Variants in TTN observed in about 807,000 individuals in gnomAD.
TTN encodes connectin.
A neutral mutation model predicts 3,223.0 loss-of-function variants in TTN; 1,525 were observed. The ratio of observed to expected loss-of-function variants is 0.47; its 90% CI spans 0.45 to 0.49. The LOEUF is 0.49. Among genes scored for constraint, TTN ranks in the 20% least tolerant of loss-of-function variants. TTN has a pLI of 0.00. For synonymous variants in TTN, 14,094 were observed against 15,161.0 expected, an observed-to-expected ratio of 0.93 and a Z score of 5.17; for missense variants, 40,786 against 43,424.0, an observed-to-expected ratio of 0.94 and a Z score of 5.40.
rs879119970 is a variant in TTN, at chr2:178,576,786, T to G, written c.69458A>C (p.Lys23153Thr). ...TTTCCAGCTGACAGTGGCAGTGTTC[T>G]TAGTGACATTTGATACCTCTGGTTT... ...PEKPEVSNVT[K>T]NTATVSWKRP... The change falls in exon 325 of 363, where the codon AAG (lysine) becomes ACG (threonine). Residue 23153 changes from lysine (K) to threonine (T), a missense_variant. Transcript: ENST00000589042. The surrounding 1 kb of genome is among the most constrained non-coding windows in gnomAD (Gnocchi z 4.3). 2.0e-5 allele frequency: 32 copies of G among 1,613,304 alleles called. No individual in the cohort carries two copies. The highest frequency in any genetic ancestry group is 2.7e-5 in the Non-Finnish European group (32 of 1,179,620).
At chr2:178,584,612 A>C (rs771319000) in intron 310 of TTN, 34 bp from the exon 311 acceptor site, 1 of 1,610,192 alleles carries the variant, frequency 6.2e-7, no homozygotes. Context: ...GTCAGTTTCT[A>C]CATTAAGTAA....
At position 178,610,953 on chromosome 2, in the gene TTN, C is replaced by A. The variant is rs1352036955; in HGVS notation, c.51136+40G>T. The A allele has an allele frequency of 1.9e-6, 3 of 1,605,900 alleles. No homozygotes were observed. The Admixed American group carries it at 5.1e-5, about 27-fold the overall frequency. On this transcript the variant is annotated intron_variant, in intron 270 of 362. Coordinates refer to ENST00000589042, the MANE Select transcript of TTN (RefSeq NM_001267550.2). ...CTGCAAAGTTAACTAATTTCCTCTA[C>A]ATGTGAAGAATGTCTGGTTTTTCTT...
intron 273 of TTN, 147 bp from the exon 274 acceptor site, chr2:178,609,055 A>G (rs1377298719): frequency 1.6e-6 from 2 of 1,280,382 alleles, no homozygotes; most frequent in Non-Finnish European, 2.1e-6. Context: ...TAACAAGATC[A>G]GGTGATTTCT....
In TTN at chr2:178,715,789, G is replaced by C. The variant is rs552766108; in HGVS notation, c.25640-15C>G. On this transcript the variant is annotated splice_polypyrimidine_tract_variant and intron_variant, in intron 88 of 362. Coordinates refer to ENST00000589042, the MANE Select transcript of TTN (RefSeq NM_001267550.2). Reference sequence around the variant, plus strand: ...CCTGGGTGGTTCTATGGAACCAAGAGGAAAAACACAGGGTAAGGGATGGAA... The same window carrying C: ...CCTGGGTGGTTCTATGGAACCAAGACGAAAAACACAGGGTAAGGGATGGAA... 5.1e-6 allele frequency: 8 copies of C among 1,564,594 alleles called. No individual in the cohort carries two copies. Among genetic ancestry groups the C allele is most frequent in the Non-Finnish European group, 6.9e-6 (8 of 1,153,074 alleles).
intron 143 of TTN, 37 bp from the exon 144 acceptor site, chr2:178,678,534 C>T: frequency 1.4e-6 from 2 of 1,453,018 alleles, no homozygotes; most frequent in Non-Finnish European, 1.9e-6. Flanking sequence ...TTTTATACGA[C>T]ATAAAAATAC....
At position 178,531,970 on chromosome 2, in the gene TTN, G is replaced by C. The variant is rs767477029; in HGVS notation, c.104645C>G (p.Thr34882Ser). The C allele has an allele frequency of 6.2e-7, 1 of 1,613,764 alleles. No homozygotes were observed. The highest frequency in any genetic ancestry group is 1.7e-5 in the Admixed American group (1 of 59,994). ...TERRSPTPERTRPRSPSPVSS... is the reference protein window; with the variant it reads ...TERRSPTPERSRPRSPSPVSS... ...CACAGGGCTGGGGGATCGTGGGCGA[G>C]TTCTCTCTGGAGTAGGTGACCTTCT... is the stretch of plus-strand genomic sequence containing the variant. The change falls in exon 358 of 363, where the codon ACT becomes AGT. Residue 34882 changes from threonine (T) to serine (S), a missense_variant. Thr to Ser is a moderately conservative substitution (Grantham distance 58, BLOSUM62 1). Coordinates refer to ENST00000589042, the MANE Select transcript of TTN (RefSeq NM_001267550.2).
chr2:178,710,797 T>G lies in TTN; in HGVS notation c.28300A>C (p.Ser9434Arg). Reference sequence around the variant, plus strand: ...TTTCCGCCACTTCGTATTTCTCTGCTGTCTTTGGCCCAGCTGACCTTTATC... The same window carrying G: ...TTTCCGCCACTTCGTATTTCTCTGCGGTCTTTGGCCCAGCTGACCTTTATC... ...QPIKVSWAKD[S>R]REIRSGGKYQ... The change falls in exon 98 of 363, where the codon AGC (serine) becomes CGC (arginine). Residue 9434 changes from serine to arginine, a missense_variant. By Grantham distance (110) the Ser-to-Arg change is moderately radical. Coordinates refer to ENST00000589042, the MANE Select transcript of TTN (RefSeq NM_001267550.2). 1 of 1,613,978 alleles carries G rather than the reference T, an allele frequency of 6.2e-7. No individual in the cohort carries two copies. Among genetic ancestry groups the G allele is most frequent in the East Asian group, 2.2e-5 (1 of 44,878 alleles).
At position 178,633,675 on chromosome 2, in the gene TTN, C is replaced by T. The variant is rs975916529; in HGVS notation, c.42684G>A (p.Glu14228=). ...ATTTCACAGTGAAGTAGGGATCGGC[C>T]TCTGTAAAAGACATTTAGCATAAAA... ...LSSTAQLKVL[E]ADPYFTVKLH... The change falls in exon 232 of 363, where the codon GAG becomes GAA. Residue 14228 remains glutamate (E), a splice_region_variant and synonymous_variant. Transcript: ENST00000589042. The T allele has an allele frequency of 1.2e-6, 2 of 1,612,188 alleles. No homozygotes were observed. Among genetic ancestry groups the T allele is most frequent in the African/African-American group, 2.7e-5 (2 of 74,848 alleles).
rs569584999 is a variant in TTN, at chr2:178,794,516, C to A, written c.1281G>T (p.Ala427=). ...KQDADKSAAV[A]TVVAAVDMAR... ...CCATATCAACGGCAGCAACAACAGTCGCAACAGCTGCACTTTTGTCAGCAT... is the reference window on the plus strand; with the variant it reads ...CCATATCAACGGCAGCAACAACAGTAGCAACAGCTGCACTTTTGTCAGCAT... Residue 427 remains alanine, a synonymous_variant, in exon 8 of 363, where the codon GCG becomes GCT. Transcript: ENST00000589042. 2 of 1,614,028 alleles carry A rather than the reference C, an allele frequency of 1.2e-6. No homozygotes were observed. Among genetic ancestry groups the A allele is most frequent in the South Asian group, 2.2e-5 (2 of 91,078 alleles).
At chr2:178,719,496 C>T (rs1157344546) in intron 82 of TTN, 45 bp from the exon 83 acceptor site, 1 of 1,590,544 alleles carries the variant, frequency 6.3e-7, no homozygotes, top group Non-Finnish European at 8.6e-7. Flanking sequence ...AAGTTTTATT[C>T]TGTGCCCCTC....
rs794729524 is a variant in TTN at position 178,554,870 on chromosome 2, A to T, written c.88589T>A (p.Ile29530Asn). 1.5e-5 allele frequency: 24 copies of T among 1,613,752 alleles called. No individual in the cohort carries two copies. The highest frequency in any genetic ancestry group is 1.9e-5 in the Non-Finnish European group (22 of 1,179,830). The change falls in exon 331 of 363, where the codon ATC becomes AAC. Residue 29530 changes from isoleucine (I) to asparagine (N), a missense_variant. Transcript: ENST00000589042. ...GGTCTGTATTCAGCACCTACCAAGG[A>T]TCTGTACTCTGATGGTGGCTGAGGC... is the stretch of plus-strand genomic sequence containing the variant. ...GSASATIRVQILDKPGPPGGP... is the reference protein window; with the variant it reads ...GSASATIRVQNLDKPGPPGGP...
chr2:178,528,168 A>C (rs1687317669), intron 361 of TTN, 106 bp downstream of exon 361: 1 of 1,302,418 alleles, frequency 7.7e-7, no homozygotes, highest in Admixed American at 2.6e-5. Context: ...CCTCTTTCAC[A>C]TGGAATTTAA....
rs1415040904 is a variant in TTN, at chr2:178,730,528, C to A, written c.18005G>T (p.Cys6002Phe). The A allele has an allele frequency of 1.9e-6, 3 of 1,611,530 alleles. No individual in the cohort carries two copies. Among genetic ancestry groups the A allele is most frequent in the African/African-American group, 2.7e-5 (2 of 74,878 alleles). Residue 6002 changes from cysteine (C) to phenylalanine (F), a missense_variant, in exon 61 of 363, where the codon TGC becomes TTC. By Grantham distance (205) the Cys-to-Phe change is radical. Transcript: ENST00000589042. ...SATNKAGHNQ[C>F]SGHLTVKEPP... ...ACCTTTGACTGTCAGATGCCCACTGCATTGGTTGTGCCCTGCCTTATTTGT... is the reference window on the plus strand; with the variant it reads ...ACCTTTGACTGTCAGATGCCCACTGAATTGGTTGTGCCCTGCCTTATTTGT...
At position 178,528,551 on chromosome 2, in the gene TTN, C is replaced by T. The variant is rs374992991; in HGVS notation, c.107200G>A (p.Glu35734Lys). 1.1e-5 allele frequency: 18 copies of T among 1,608,762 alleles called. No individual in the cohort carries two copies. Among genetic ancestry groups the T allele is most frequent in the South Asian group, 6.6e-5 (6 of 90,444 alleles). ...ACTGGCAGGTTGTTTTTAAACCATT[C>T]GATTTCAGGGGATGGCTCGCCACTG... ...EISGEPSPEI[E>K]WFKNNLPISI... Residue 35734 changes from glutamate (E) to lysine (K), a missense_variant, in exon 360 of 363, where the codon GAA (glutamate) becomes AAA (lysine). Physicochemically the swap from Glu to Lys is moderately conservative, Grantham distance 56. Coordinates refer to ENST00000589042, the MANE Select transcript of TTN (RefSeq NM_001267550.2).
In TTN at chr2:178,741,868, G is replaced by C. The variant is rs1480310272; in HGVS notation, c.11365C>G (p.Leu3789Val). The C allele has an allele frequency of 6.3e-7, 1 of 1,584,700 alleles. No homozygotes were observed. Among genetic ancestry groups the C allele is most frequent in the African/African-American group, 1.3e-5 (1 of 74,310 alleles). Residue 3789 changes from leucine to valine, a missense_variant, in exon 48 of 363, where the codon CTT (leucine) becomes GTT (valine). Leu to Val is a conservative substitution (Grantham distance 32). Coordinates refer to ENST00000589042, the MANE Select transcript of TTN (RefSeq NM_001267550.2). ...AEEEGLHSAE[L>V]QLSKINETLE... ...GTTTCATTTATTTTAGATAATTGAA[G>C]TTCGGCGCTATGAAGTCCTTCTTCC...
At chr2:178,794,270 T>C in intron 8 of TTN, 129 bp downstream of exon 8, 2 of 1,406,238 alleles carry the variant, frequency 1.4e-6, no homozygotes, top group Non-Finnish European at 2.0e-6. Context: ...GTCTGGGCCC[T>C]GCTGGGCTCA....
chr2:178,723,728 C>A, intron 73 of TTN, 32 bp from the exon 74 acceptor site: 1 of 1,532,536 alleles, frequency 6.5e-7, no homozygotes, highest in South Asian at 1.3e-5. Context: ...TTAAAAGATC[C>A]TGTAAGCTTC....
intron 3 of TTN, among the ~76,000 whole-genome samples, chr2:178,801,126 T>C (rs1249559074): frequency 6.6e-6 from 1 of 152,242 alleles, no homozygotes; most frequent in Non-Finnish European, 1.5e-5. Flanking sequence ...TAAAGAATCA[T>C]TACATTTTTA....
chr2:178,676,696 A>T (rs1425425248), intron 147 of TTN, among the ~76,000 whole-genome samples: 1 of 151,906 alleles, frequency 6.6e-6, no homozygotes, highest in Non-Finnish European at 1.5e-5. Context: ...ACAAGGTGTA[A>T]AGTCAACGCT....
Sources: allele counts gnomAD v4.1 joint callset (sites outside exome capture counted in the v4.1 genomes callset), GRCh38; gene constraint gnomAD v4.1.1; non-coding constraint Gnocchi (gnomAD v3.1); transcripts MANE v1.5; gene names NCBI Gene and HGNC (gene_info 2026-07-23, HGNC 2026-07-21).